TYW1B: variants seen among roughly 807,000 people sequenced by gnomAD.
The protein encoded by TYW1B is S-adenosyl-L-methionine-dependent tRNA 4-demethylwyosine synthase TYW1B.
Under a neutral mutation model 86.9 loss-of-function variants are expected in TYW1B, and 73 were observed. The ratio of observed to expected loss-of-function variants is 0.84; its 90% CI spans 0.70 to 1.02. The LOEUF (loss-of-function observed/expected upper bound fraction) is 1.02. Ranked by LOEUF, TYW1B falls within the 50% of genes least tolerant of loss-of-function variation. The pLI is 0.00. For missense variants in TYW1B, 637 were observed against 827.4 expected, an observed-to-expected ratio of 0.77 and a Z score of 2.82; for synonymous variants, 248 against 292.8, an observed-to-expected ratio of 0.85 and a Z score of 1.56.
At chr7:72,814,602 A>C (rs118008274) in intron 3 of TYW1B, among the ~76,000 whole-genome samples, 4,917 of 151,808 alleles carry the variant, frequency 0.032, 121 homozygotes, top group Non-Finnish European at 0.047. Context: ...AACAAAAAAA[A>C]CTTTTAAAAT....
At chr7:72,583,041 A>G (rs1407942541) in intron 13 of TYW1B, among the ~76,000 whole-genome samples, 1 of 152,148 alleles carries the variant, frequency 6.6e-6, no homozygotes, top group Non-Finnish European at 1.5e-5. Context: ...AGCAAGCTCG[A>G]GCCTCATCTT....
chr7:72,646,816 GGTT>G (rs1242841907), intron 11 of TYW1B, among the ~76,000 whole-genome samples: 2 of 152,214 alleles, frequency 1.3e-5, no homozygotes, highest in Non-Finnish European at 2.9e-5. Context: ...GAATGCTGAT[GGTT>G]GTCAAAGCTA....
At chr7:72,821,694 C>T (rs1229143589) in intron 2 of TYW1B, among the ~76,000 whole-genome samples, 3 of 152,220 alleles carry the variant, frequency 2.0e-5, no homozygotes, top group South Asian at 2.1e-4. Flanking sequence ...TAAAGTAGAA[C>T]AAACAGAATC....
At chr7:72,614,155 A>C (rs1461651050) in intron 13 of TYW1B, among the ~76,000 whole-genome samples, 1 of 152,194 alleles carries the variant, frequency 6.6e-6, no homozygotes, top group East Asian at 1.9e-4. Flanking sequence ...TTATCATTGC[A>C]CTTTTTTGTA....
At chr7:72,601,205 C>A (rs1182057123) in intron 13 of TYW1B, among the ~76,000 whole-genome samples, 36 of 151,630 alleles carry the variant, frequency 2.4e-4, no homozygotes, top group Non-Finnish European at 4.0e-4. Flanking sequence ...AAGATCTGAG[C>A]AGACACATCA....
At chr7:72,789,982 T>C (rs1369550464) in intron 6 of TYW1B, among the ~76,000 whole-genome samples, 1 of 147,342 alleles carries the variant, frequency 6.8e-6, no homozygotes, top group Non-Finnish European at 1.5e-5. Context: ...AGTTTCACTC[T>C]TGTTGCCCAG....
At chr7:72,629,592 G>A (rs1446762396) in intron 11 of TYW1B, among the ~76,000 whole-genome samples, 4 of 151,944 alleles carry the variant, frequency 2.6e-5, no homozygotes, top group Non-Finnish European at 4.4e-5. Flanking sequence ...TGTTGTCCAG[G>A]CTGGAGTGCA....
rs543816625 is a variant in TYW1B, at chr7:72,797,993, A to G, written c.846+4407T>C. Among the ~76,000 whole-genome samples the G allele has an allele frequency of 2.6e-3, 361 of 138,830 alleles. 2 individuals are homozygous for G. The highest frequency in any genetic ancestry group is 4.1e-3 in the Non-Finnish European group (271 of 65,492). 91.1% of individuals were successfully genotyped at this position (138,830 alleles called of 152,430 possible). ...AGTCTTTCAGTGAACCCAGCTAGAA[A>G]ATACTATTTATATATATACACACAC... On this transcript the variant is annotated intron_variant, in intron 6 of 13. Transcript: ENST00000620995.
chr7:72,677,006 A>G (rs1554447573), intron 11 of TYW1B, among the ~76,000 whole-genome samples: 1 of 152,142 alleles, frequency 6.6e-6, no homozygotes, highest in Non-Finnish European at 1.5e-5. Flanking sequence ...TCATATTCAA[A>G]AAGAAACTTG....
rs559382545 is a variant in TYW1B, at chr7:72,817,539, G to A, written c.136-2058C>T. ...AATCTCCAATGTTGGAAGTGAGCTC[G>A]AATAGGAGGTGTTTGGGTCATGGGG... On this transcript the variant is annotated intron_variant, in intron 2 of 13. Coordinates refer to ENST00000620995, the MANE Select transcript of TYW1B (RefSeq NM_001145440.3). Among the ~76,000 whole-genome samples the A allele has an allele frequency of 2.2e-4, 33 of 152,250 alleles. 1 individual carries two copies. The highest frequency in any genetic ancestry group is 7.5e-4 in the African/African-American group (31 of 41,554).
At chr7:72,801,097 G>C (rs1216130933) in intron 6 of TYW1B, among the ~76,000 whole-genome samples, 2 of 152,168 alleles carry the variant, frequency 1.3e-5, no homozygotes, top group African/African-American at 4.8e-5. Context: ...AGGAGGCCAA[G>C]GCGGGCAGAT....
chr7:72,770,010 G>T (rs1315044916), intron 7 of TYW1B, among the ~76,000 whole-genome samples: 2 of 151,510 alleles, frequency 1.3e-5, no homozygotes, highest in Admixed American at 6.6e-5. Flanking sequence ...AACCCGAGAG[G>T]TGCAGTGATA....
intron 13 of TYW1B, among the ~76,000 whole-genome samples, chr7:72,600,069 A>C (rs1270112256): frequency 6.6e-6 from 1 of 152,170 alleles, no homozygotes; most frequent in Admixed American, 6.6e-5. Flanking sequence ...TAGCCAACAT[A>C]ATAGTGAAGA....
chr7:72,681,118 G>T (rs1813863282), intron 11 of TYW1B, among the ~76,000 whole-genome samples: 1 of 152,148 alleles, frequency 6.6e-6, no homozygotes, highest in Non-Finnish European at 1.5e-5. Context: ...ACAATAGGTG[G>T]CAGAGCCAGT....
intron 8 of TYW1B, among the ~76,000 whole-genome samples, chr7:72,743,800 C>T (rs540351160): frequency 2.7e-5 from 4 of 149,988 alleles, no homozygotes; most frequent in Admixed American, 6.7e-5. Context: ...GCCGAGATGA[C>T]GCCACTGCCC....
chr7:72,764,407 C>T (rs528806485), intron 7 of TYW1B, among the ~76,000 whole-genome samples: 5 of 152,274 alleles, frequency 3.3e-5, no homozygotes, highest in South Asian at 2.1e-4. Flanking sequence ...CTCAGCCTCC[C>T]GAGTAGCTGG....
intron 6 of TYW1B, among the ~76,000 whole-genome samples, chr7:72,794,047 T>C (rs1309711249): frequency 6.6e-6 from 1 of 152,144 alleles, no homozygotes; most frequent in Non-Finnish European, 1.5e-5. Context: ...AGCAAACGGA[T>C]CAGCTACTTG....
chr7:72,636,149 A>G (rs1812663440), intron 11 of TYW1B, among the ~76,000 whole-genome samples: 1 of 152,206 alleles, frequency 6.6e-6, no homozygotes, highest in African/African-American at 2.4e-5. Flanking sequence ...GGTCAAAAAC[A>G]TATTTCCATA....
At chr7:72,616,549 T>G in intron 13 of TYW1B, 123 bp downstream of exon 13, 2 of 1,457,876 alleles carry the variant, frequency 1.4e-6, no homozygotes, top group Non-Finnish European at 1.9e-6. Context: ...TATTTTTGTT[T>G]TGGGAAAGGT....
Sources: gnomAD v4.1 joint callset for allele counts (sites outside exome capture counted in the v4.1 genomes callset) on GRCh38, gnomAD v4.1.1 for gene constraint, MANE v1.5 for transcripts, NCBI Gene and HGNC (gene_info 2026-07-23, HGNC 2026-07-21) for gene names.